FOXN1: variants seen among roughly 807,000 people sequenced by gnomAD.
The protein encoded by FOXN1 is forkhead box N1.
Under a neutral mutation model 49.0 loss-of-function variants are expected in FOXN1, and 15 were observed. That is an observed-to-expected ratio of 0.31 (90% confidence interval 0.20 to 0.47). The LOEUF (loss-of-function observed/expected upper bound fraction) is 0.47, where lower values mean the gene tolerates loss of function less well. Among genes scored for constraint, FOXN1 ranks in the 20% least tolerant of loss-of-function variants. FOXN1 has a pLI of 1.00. For synonymous variants in FOXN1, 356 were observed against 369.0 expected (o/e 0.96, Z 0.40); for missense variants, 800 against 842.8 (o/e 0.95, Z 0.63).
chr17:28,519,374 T>C (rs1044351334), intron 1 of FOXN1, among the ~76,000 whole-genome samples: 1 of 150,656 alleles, frequency 6.6e-6, no homozygotes, highest in African/African-American at 2.4e-5. Context: ...GCACTGCAGA[T>C]GTGGAACTGC....
rs1464898433 is a variant in FOXN1, at chr17:28,524,867, T to C, written c.488T>C (p.Val163Ala). ...GPLEAFEEIP[V>A]DVAEAEAFLP... ...CTGGAGGCCTTCGAGGAGATCCCAGTGGACGTGGCGGAGGCCGAGGCCTTC... is the reference window on the plus strand; with the variant it reads ...CTGGAGGCCTTCGAGGAGATCCCAGCGGACGTGGCGGAGGCCGAGGCCTTC... Residue 163 changes from valine (V) to alanine (A), a missense_variant, in exon 3 of 9, where the codon GTG becomes GCG. Transcript: ENST00000579795. 9.9e-6 allele frequency: 16 copies of C among 1,613,692 alleles called. No homozygotes were observed. Among genetic ancestry groups the C allele is most frequent in the Non-Finnish European group, 1.4e-5 (16 of 1,180,014 alleles).
intron 1 of FOXN1, among the ~76,000 whole-genome samples, chr17:28,507,624 A>G (rs781803707): frequency 1.3e-5 from 2 of 152,124 alleles, no homozygotes; most frequent in African/African-American, 2.4e-5. Flanking sequence ...GCCTCTCTGA[A>G]GTCTTTACTG....
intron 1 of FOXN1, among the ~76,000 whole-genome samples, chr17:28,507,778 C>T (rs138182543): frequency 2.7e-3 from 415 of 152,354 alleles, no homozygotes; most frequent in African/African-American, 9.4e-3. Context: ...TTGCTCATTC[C>T]CTGACCACAA....
At chr17:28,519,358 C>G (rs2069593772) in intron 1 of FOXN1, among the ~76,000 whole-genome samples, 1 of 151,792 alleles carries the variant, frequency 6.6e-6, no homozygotes. Flanking sequence ...GAGGAAACTT[C>G]AGAGTGCACT....
Position 28,529,127 on chromosome 17 carries a change from T to C in FOXN1, c.733T>C (p.Tyr245His), listed in dbSNP as rs1405969510. Residue 245 changes from tyrosine (Y) to histidine (H), a missense_variant, in exon 5 of 9, where the codon TAC becomes CAC. By Grantham distance (83) the Tyr-to-His change is moderately conservative. Coordinates refer to ENST00000579795, the MANE Select transcript of FOXN1 (RefSeq NM_001369369.1). ...AGGTGGTGGCAGCTACCCCATACCCTACCTGGGCTCCTCACACTATCAGTA... is the reference window on the plus strand; with the variant it reads ...AGGTGGTGGCAGCTACCCCATACCCCACCTGGGCTCCTCACACTATCAGTA... ...SPGGGSYPIP[Y>H]LGSSHYQYQR... 3.1e-6 allele frequency: 5 copies of C among 1,614,068 alleles called. No homozygotes were observed. In the South Asian group the frequency reaches 3.3e-5, roughly 11 times the overall value.
At chr17:28,517,593 ACACACCTCCACAGGATC>A in intron 1 of FOXN1, among the ~76,000 whole-genome samples, 1 of 136,870 alleles carries the variant, frequency 7.3e-6, no homozygotes, top group Non-Finnish European at 1.6e-5. Flanking sequence ...TCCACAGGGT[ACACACCTCCACAGGATC>A]CATACCTCCA....
chr17:28,537,369 C>A lies in FOXN1; in HGVS notation c.1880C>A (p.Pro627His), dbSNP rs759568205. ...YSAFMELEPT[P>H]PTAPAGPSVY... ...GCCTTTATGGAGCTGGAGCCCACGCCCCCCACGGCCCCTGCAGGCCCCTCT... is the reference window on the plus strand; with the variant it reads ...GCCTTTATGGAGCTGGAGCCCACGCACCCCACGGCCCCTGCAGGCCCCTCT... The change falls in exon 9 of 9, where the codon CCC becomes CAC. Residue 627 changes from proline (P) to histidine (H), a missense_variant. Coordinates refer to ENST00000579795, the MANE Select transcript of FOXN1 (RefSeq NM_001369369.1). The A allele has an allele frequency of 6.2e-7, 1 of 1,612,682 alleles. No individual in the cohort carries two copies. The highest frequency in any genetic ancestry group is 1.1e-5 in the South Asian group (1 of 91,068).
intron 1 of FOXN1, among the ~76,000 whole-genome samples, chr17:28,522,602 ATGCC>A (rs2069662824): frequency 6.6e-6 from 1 of 152,160 alleles, no homozygotes; most frequent in Admixed American, 6.5e-5. Context: ...AGCCGAGAGC[ATGCC>A]ACCGCACTCC....
Position 28,538,464 on chromosome 17 carries a change from C to T in FOXN1, c.*1028C>T, listed in dbSNP as rs1440043320. On this transcript the variant is annotated 3_prime_UTR_variant, in exon 9 of 9. Transcript: ENST00000579795. ...CGATAAACCCATTGTAAATTGAAAC[C>T]ACCGAAAGTCAAAAACCACTTTCGA... 1 of 152,220 alleles carries T rather than the reference C, an allele frequency of 6.6e-6. No individual in the cohort carries two copies. Among genetic ancestry groups the T allele is most frequent in the African/African-American group, 2.4e-5 (1 of 41,438 alleles). 9.4% of individuals were successfully genotyped at this position (152,220 alleles called of 1,614,324 possible).
chr17:28,523,890 G>T (rs1359637700), intron 1 of FOXN1, 66 bp from the exon 2 acceptor site: 25 of 1,553,164 alleles, frequency 1.6e-5, no homozygotes, highest in Non-Finnish European at 2.2e-5. Context: ...GGGTGGAGGT[G>T]GCGAACCTGG....
In FOXN1 at chr17:28,527,332, T is replaced by C; in HGVS notation, c.670T>C (p.Tyr224His). 1 of 1,613,238 alleles carries C rather than the reference T, an allele frequency of 6.2e-7. No homozygotes were observed. The highest frequency in any genetic ancestry group is 8.5e-7 in the Non-Finnish European group (1 of 1,179,290). The part of the protein sequence containing the change: ...FCYQPPLQHM[Y>H]CSSQPPFHQY... ...CTACCAGCCTCCCTTGCAGCATATGTACTGCTCCTCCCAGCCCCCCTTCCA... is the reference window on the plus strand; with the variant it reads ...CTACCAGCCTCCCTTGCAGCATATGCACTGCTCCTCCCAGCCCCCCTTCCA... The change falls in exon 4 of 9, where the codon TAC becomes CAC. Residue 224 changes from tyrosine to histidine, a missense_variant. Physicochemically the swap from Tyr to His is moderately conservative, Grantham distance 83. Around this residue, in one of 3 missense-constraint regions of FOXN1, gnomAD observed 383 missense variants for 357.9 expected, o/e 1.07. Transcript: ENST00000579795.
chr17:28,537,232 C>T lies in FOXN1; in HGVS notation c.1743C>T (p.Phe581=), dbSNP rs1367205069. 1 of 1,613,468 alleles carries T rather than the reference C, an allele frequency of 6.2e-7. No homozygotes were observed. Among genetic ancestry groups the T allele is most frequent in the African/African-American group, 1.3e-5 (1 of 74,908 alleles). Residue 581 remains phenylalanine, a synonymous_variant, in exon 9 of 9, where the codon TTC becomes TTT. Transcript: ENST00000579795. ...CACCCCAGCCACCACCTCACTGCTT[C>T]CCCCCTGGGCCCTGTCTGACAGAGA... The part of the protein sequence containing the change: ...MPPPQPPPHC[F]PPGPCLTETG...
intron 1 of FOXN1, among the ~76,000 whole-genome samples, chr17:28,509,358 A>C (rs2069337984): frequency 7.6e-6 from 1 of 131,724 alleles, no homozygotes; most frequent in Non-Finnish European, 1.6e-5. Flanking sequence ...CCACCACCCC[A>C]TCCTGCTCCT....
intron 3 of FOXN1, 80 bp from the exon 4 acceptor site, chr17:28,527,171 T>C: frequency 4.2e-6 from 4 of 957,030 alleles, no homozygotes; most frequent in Non-Finnish European, 6.7e-6. Context: ...AGGGGTTGCT[T>C]TTATGTAAGG....
chr17:28,536,620 G>A (rs2070070810), intron 8 of FOXN1, among the ~76,000 whole-genome samples: 1 of 152,320 alleles, frequency 6.6e-6, no homozygotes, highest in Middle Eastern at 3.4e-3. Flanking sequence ...AGCACTGTTT[G>A]CTCCTCGGAC....
Position 28,527,413 on chromosome 17 carries a change from G to A in FOXN1, c.699+52G>A, listed in dbSNP as rs189412912. 2.2e-5 allele frequency: 22 copies of A among 1,016,106 alleles called. No individual in the cohort carries two copies. In the African/African-American group the frequency reaches 2.7e-4, roughly 12 times the overall value. The allele number at this position is 1,016,106 out of a possible 1,614,324, so 62.9% of individuals were successfully genotyped here. The stretch of plus-strand genomic sequence containing the variant: ...TCCCCCAGGTCTGAGGATATCGTGT[G>A]TGTGTATGTGGTGTGTGGGTGTCTA... On this transcript the variant is annotated intron_variant, in intron 4 of 8. Transcript: ENST00000579795.
At chr17:28,533,102 G>A (rs2069953203) in intron 6 of FOXN1, among the ~76,000 whole-genome samples, 1 of 152,204 alleles carries the variant, frequency 6.6e-6, no homozygotes, top group Admixed American at 6.5e-5. Context: ...TTGGAGTGAC[G>A]CTGGCATCAA....
chr17:28,530,308 T>C (rs1001823721), intron 5 of FOXN1, among the ~76,000 whole-genome samples: 2 of 152,216 alleles, frequency 1.3e-5, no homozygotes, highest in Admixed American at 6.5e-5. Flanking sequence ...GTACATTGCA[T>C]AGGCTCAAGA....
Position 28,534,326 on chromosome 17 carries a change from G to A in FOXN1, c.928-5G>A, listed in dbSNP as rs372119294. The A allele has an allele frequency of 1.5e-5, 25 of 1,613,982 alleles. No homozygotes were observed. Among genetic ancestry groups the A allele is most frequent in the East Asian group, 2.2e-5 (1 of 44,882 alleles). ...CTGAATGCTTGTCTTGCTCTGTTCC[G>A]GCAGACAGCACCCGATGGCTGGAAG... On this transcript the variant is annotated splice_region_variant and splice_polypyrimidine_tract_variant and intron_variant, in intron 6 of 8. Coordinates refer to ENST00000579795, the MANE Select transcript of FOXN1 (RefSeq NM_001369369.1). The surrounding 1 kb of genome is among the most constrained non-coding windows in gnomAD (Gnocchi z 4.1).
Sources: allele counts gnomAD v4.1 joint callset (sites outside exome capture counted in the v4.1 genomes callset), GRCh38; gene constraint gnomAD v4.1.1; regional missense constraint gnomAD v4.1.1; non-coding constraint Gnocchi (gnomAD v3.1); transcripts MANE v1.5; gene names NCBI Gene and HGNC (gene_info 2026-07-23, HGNC 2026-07-21).